Variants in ZNF44 observed in about 807,000 individuals in gnomAD.
The protein encoded by ZNF44 is zinc finger protein 44.
In ZNF44, 9 loss-of-function variants were observed where a neutral mutation model predicts 11.7. That is an observed-to-expected ratio of 0.77 (90% CI 0.46 to 1.35). The LOEUF is 1.35. Ranked by LOEUF, ZNF44 falls within the 40% of genes most tolerant of loss-of-function variation. The pLI is 0.00. For missense variants in ZNF44, 696 were observed against 743.1 expected (o/e 0.94, Z 0.74); for synonymous variants, 224 against 242.7 (o/e 0.92, Z 0.72).
intron 1 of ZNF44, among the ~76,000 whole-genome samples, chr19:12,287,180 C>A (rs1271898130): frequency 3.3e-5 from 5 of 151,920 alleles, no homozygotes; most frequent in African/African-American, 1.2e-4. Context: ...CCTGGAGCAA[C>A]CCCCATTATC....
At chr19:12,248,304 C>T (rs1599496191) in exon 8 of ZNF44, 1 of 1,295,144 alleles carries the variant, frequency 7.7e-7, no homozygotes, top group East Asian at 5.5e-5. Context: ...AGTGTGAGTC[C>T]TTCCATGTAT....
chr19:12,288,774 G>GTATATATATA (rs55971577), intron 1 of ZNF44, among the ~76,000 whole-genome samples: 2,329 of 76,716 alleles, frequency 0.03, 137 homozygotes, highest in African/African-American at 0.037. Context: ...AAAAAAAAAT[G>GTATATATATA]TATATATATA....
intron 7 of ZNF44, chr19:12,249,918 T>G (rs1916925057): frequency 9.0e-7 from 1 of 1,110,452 alleles, no homozygotes; most frequent in African/African-American, 1.7e-5. Context: ...ATTATCAAAT[T>G]TAATGACATA....
At position 12,286,623 on chromosome 19, in the gene ZNF44, C is replaced by T. The variant is rs577244153; in HGVS notation, c.3+8069G>A. ...CTGCACTCCAGCCTGGGTGAAAGAG[C>T]GAGACTTGGTCTCAAAAAAAAGAAA... On this transcript the variant is annotated intron_variant, in intron 1 of 3. Transcript: ENST00000355684. 3.5e-4 allele frequency among the ~76,000 whole-genome samples: 52 copies of T among 147,714 alleles called. 1 individual carries two copies. The South Asian group carries it at 3.6e-3, about 10-fold the overall frequency.
chr19:12,276,101 C>G lies in ZNF44; in HGVS notation c.4-19G>C. 6.3e-7 allele frequency: 1 copy of G among 1,595,598 alleles called. No homozygotes were observed. Among genetic ancestry groups the G allele is most frequent in the Non-Finnish European group, 8.6e-7 (1 of 1,168,002 alleles). Reference sequence around the variant, plus strand: ...CTGAGTCCTGAAACATCCCATATGTCCAGAAAAGGAAGGTTGAAACTCACA... The same window carrying G: ...CTGAGTCCTGAAACATCCCATATGTGCAGAAAAGGAAGGTTGAAACTCACA... On this transcript the variant is annotated intron_variant, in intron 1 of 3. Coordinates refer to ENST00000355684, the MANE Select transcript of ZNF44 (RefSeq NM_016264.4).
At chr19:12,266,152 C>T in intron 5 of ZNF44, 1 of 676,258 alleles carries the variant, frequency 1.5e-6, no homozygotes, top group Non-Finnish European at 1.8e-6. Flanking sequence ...GAGGGCCGAG[C>T]TGTGCCATGG....
At chr19:12,288,776 A>ATATG (rs1260729730) in intron 1 of ZNF44, among the ~76,000 whole-genome samples, 2 of 25,310 alleles carry the variant, frequency 7.9e-5, no homozygotes, top group Admixed American at 1.0e-3. Flanking sequence ...AAAAAAATGT[A>ATATG]TATATATATA....
intron 5 of ZNF44, among the ~76,000 whole-genome samples, chr19:12,260,723 G>A (rs574394587): frequency 6.6e-6 from 1 of 152,258 alleles, no homozygotes; most frequent in Admixed American, 6.5e-5. Context: ...CCAATTCCAA[G>A]GAATTATCAA....
At chr19:12,274,172 G>A in intron 3 of ZNF44, 109 bp from the exon 4 acceptor site, 1 of 976,080 alleles carries the variant, frequency 1.0e-6, no homozygotes, top group Non-Finnish European at 1.5e-6. Flanking sequence ...TAAGCTTCAT[G>A]TCCTGCTTCA....
At chr19:12,260,563 A>G in intron 5 of ZNF44, 1 of 742,390 alleles carries the variant, frequency 1.3e-6, no homozygotes, top group Non-Finnish European at 2.3e-6. Flanking sequence ...AGCAATAAAG[A>G]GTCAGCTGGC....
chr19:12,275,151 T>G (rs1480825699), intron 2 of ZNF44, 118 bp from the exon 3 acceptor site: 1 of 678,808 alleles, frequency 1.5e-6, no homozygotes, highest in African/African-American at 1.9e-5. Flanking sequence ...AGTTGACTCC[T>G]GAACAACACA....
chr19:12,239,035 G>A (rs1017593988), upstream of ZNF44, among the ~76,000 whole-genome samples: 1 of 152,204 alleles, frequency 6.6e-6, no homozygotes, highest in Admixed American at 6.5e-5. Context: ...ATCAGCTTAA[G>A]GTTCTGATCT....
chr19:12,263,119 CTT>C (rs1416311510), intron 5 of ZNF44, among the ~76,000 whole-genome samples: 2 of 150,058 alleles, frequency 1.3e-5, no homozygotes, highest in Admixed American at 1.3e-4. Context: ...GAGTTTCACT[CTT>C]GTTGCCCAGG....
chr19:12,285,061 C>G, intron 1 of ZNF44: 1 of 681,158 alleles, frequency 1.5e-6, no homozygotes, highest in South Asian at 1.7e-5. Flanking sequence ...TACCTAACCC[C>G]TGACCTCTGG....
At chr19:12,275,888 G>A (rs1210563584) in intron 2 of ZNF44, 68 bp downstream of exon 2, 2 of 1,494,862 alleles carry the variant, frequency 1.3e-6, no homozygotes, top group African/African-American at 1.4e-5. Flanking sequence ...TCAAATCACT[G>A]AACAGCATTG....
chr19:12,281,309 T>C (rs549372458), intron 1 of ZNF44, among the ~76,000 whole-genome samples: 3 of 152,146 alleles, frequency 2.0e-5, no homozygotes, highest in African/African-American at 2.4e-5. Context: ...AAAGTGGAGA[T>C]TGAAGCCACA....
chr19:12,242,989 A>G (rs942922901), downstream of ZNF44: 1 of 152,354 alleles, frequency 6.6e-6, no homozygotes, highest in East Asian at 1.9e-4. Flanking sequence ...TAGAAATGAC[A>G]TAATTTTAAA....
chr19:12,269,154 GGA>G (rs1966886007), downstream of ZNF44, among the ~76,000 whole-genome samples: 2 of 152,012 alleles, frequency 1.3e-5, no homozygotes, highest in South Asian at 4.1e-4. Context: ...TGCCCAGCAA[GGA>G]GAGTGAGCGA....
rs1374854676 is a variant in ZNF44, at chr19:12,272,652, T to C, written c.1603A>G (p.Lys535Glu). 1.5e-5 allele frequency: 24 copies of C among 1,613,738 alleles called. No individual in the cohort carries two copies. Among genetic ancestry groups the C allele is most frequent in the African/African-American group, 2.7e-5 (2 of 74,906 alleles). ...CAAAAGAATGCTTTCCTGCATTGCT[T>C]ACATTCATATGGCTTCTCTGCCGTG... is the stretch of plus-strand genomic sequence containing the variant. The part of the protein sequence containing the change: ...THTAEKPYEC[K>E]QCRKAFFWPS... The change falls in exon 4 of 4, where the codon AAG becomes GAG. Residue 535 changes from lysine (K) to glutamate (E), a missense_variant. By Grantham distance (56) the Lys-to-Glu change is moderately conservative. Transcript: ENST00000355684.
Sources: allele counts gnomAD v4.1 joint callset (sites outside exome capture counted in the v4.1 genomes callset), GRCh38; gene constraint gnomAD v4.1.1; transcripts MANE v1.5; gene names NCBI Gene and HGNC (gene_info 2026-07-23, HGNC 2026-07-21).